TSC22D1: variants seen among roughly 807,000 people sequenced by gnomAD.
TSC22D1 encodes TSC22 domain family protein 1.
TSC22D1 carries 9 observed loss-of-function variants against 74.2 expected under a neutral mutation model. The observed-to-expected ratio is 0.12, with a 90% confidence interval of 0.07 to 0.21. The LOEUF (loss-of-function observed/expected upper bound fraction) is 0.21, where lower values mean the gene tolerates loss of function less well. TSC22D1 is among the 10% of genes least tolerant of loss of function. The pLI, the probability that TSC22D1 is intolerant of heterozygous loss-of-function variation, is 1.00. For missense variants in TSC22D1, 1,427 were observed against 1,304.7 expected (o/e 1.09, Z -1.44); for synonymous variants, 586 against 492.5 (o/e 1.19, Z -2.51).
intron 1 of TSC22D1, among the ~76,000 whole-genome samples, chr13:44,472,842 T>C (rs1194824123): frequency 6.6e-6 from 1 of 152,216 alleles, no homozygotes; most frequent in Non-Finnish European, 1.5e-5. Flanking sequence ...CAAATTCTTC[T>C]CAAAATAAGC....
intron 1 of TSC22D1, chr13:44,437,167 C>T (rs1190612961): frequency 4.1e-6 from 4 of 985,454 alleles, no homozygotes; most frequent in Non-Finnish European, 4.8e-6. Flanking sequence ...GGCCCCCACA[C>T]GTGCTTACGT....
At chr13:44,530,672 AAAAC>A (rs1880785698) in intron 1 of TSC22D1, among the ~76,000 whole-genome samples, 3 of 152,108 alleles carry the variant, frequency 2.0e-5, no homozygotes, top group Admixed American at 1.3e-4. Context: ...TCAAAAAAAA[AAAAC>A]AAACCTGATT....
chr13:44,575,721 A>G lies in TSC22D1; in HGVS notation c.354T>C (p.Pro118=), dbSNP rs776086016. 1 of 1,614,210 alleles carries G rather than the reference A, an allele frequency of 6.2e-7. No homozygotes were observed. The highest frequency in any genetic ancestry group is 2.2e-5 in the East Asian group (1 of 44,890). The change falls in exon 1 of 3, where the codon CCT becomes CCC. Residue 118 remains proline (P), a synonymous_variant. Transcript: ENST00000458659. ...KSGFQITSVT[P]AQISASISSN... The stretch of plus-strand genomic sequence containing the variant: ...AGCTGATACTAGCGGAGATCTGAGC[A>G]GGAGTAACGCTAGTTATCTGGAAGC...
intron 1 of TSC22D1, among the ~76,000 whole-genome samples, chr13:44,528,494 T>C (rs562794356): frequency 2.3e-3 from 354 of 151,830 alleles, no homozygotes; most frequent in African/African-American, 8.3e-3. Flanking sequence ...TCAAACTAAA[T>C]GAAAATAAAA....
chr13:44,553,810 GAATT>G (rs951391911), intron 1 of TSC22D1, among the ~76,000 whole-genome samples: 8 of 152,182 alleles, frequency 5.3e-5, no homozygotes, highest in Admixed American at 5.2e-4. Flanking sequence ...GTCAGCGAAA[GAATT>G]AATCCCTGAT....
upstream of TSC22D1, chr13:44,576,918 C>T (rs1163453167): frequency 4.6e-5 from 7 of 153,024 alleles, no homozygotes; most frequent in Admixed American, 2.6e-4. Context: ...TCCCTCAGGG[C>T]AGGCGCCTCG....
Position 44,495,275 on chromosome 13 carries a change from G to A in TSC22D1, c.2913-59180C>T, listed in dbSNP as rs1878913863. On this transcript the variant is annotated intron_variant, in intron 1 of 2. Transcript: ENST00000458659. The stretch of plus-strand genomic sequence containing the variant: ...TATGTAAGCCAGAAAGCAGCAGGGT[G>A]ACATATTTAAAATGCTAAGGAAAAA... Among the ~76,000 whole-genome samples, 14 of 142,600 alleles carry A rather than the reference G, an allele frequency of 9.8e-5. No individual in the cohort carries two copies. In the Admixed American group the frequency reaches 9.9e-4, roughly 10 times the overall value. 93.6% of individuals were successfully genotyped at this position (142,600 alleles called of 152,430 possible).
At chr13:44,555,367 G>A (rs1193247989) in intron 1 of TSC22D1, among the ~76,000 whole-genome samples, 1 of 151,964 alleles carries the variant, frequency 6.6e-6, no homozygotes, top group Non-Finnish European at 1.5e-5. Flanking sequence ...TCAGCACTTT[G>A]GGAGGCCAAG....
intron 1 of TSC22D1, among the ~76,000 whole-genome samples, chr13:44,480,742 G>A (rs1195228210): frequency 2.0e-5 from 3 of 152,130 alleles, no homozygotes; most frequent in Non-Finnish European, 4.4e-5. Flanking sequence ...AGGAGTCCAG[G>A]GACAGGGGTT....
At chr13:44,571,835 A>G (rs941951455) in intron 1 of TSC22D1, among the ~76,000 whole-genome samples, 2 of 152,188 alleles carry the variant, frequency 1.3e-5, no homozygotes, top group African/African-American at 4.8e-5. Context: ...TTAGAAAAAT[A>G]ATAAAAATCT....
intron 1 of TSC22D1, among the ~76,000 whole-genome samples, chr13:44,542,450 T>C (rs1881532795): frequency 6.6e-6 from 1 of 152,038 alleles, no homozygotes; most frequent in African/African-American, 2.4e-5. Context: ...CACAGTATAA[T>C]ATAGATAAAA....
chr13:44,437,472 G>A, intron 1 of TSC22D1: 1 of 158,108 alleles, frequency 6.3e-6, no homozygotes, highest in East Asian at 1.9e-4. Context: ...TTGTTTTATA[G>A]AAACAAAACA....
rs140520291 is a variant in TSC22D1 at position 44,470,260 on chromosome 13, T to A, written c.2913-34165A>T. Among the ~76,000 whole-genome samples, 57 of 152,260 alleles carry A rather than the reference T, an allele frequency of 3.7e-4. 1 individual carries two copies. In the East Asian group the frequency reaches 0.01, roughly 27 times the overall value. The stretch of plus-strand genomic sequence containing the variant: ...CAGAACAACTCCAGACCTGGAAGCC[T>A]GTGGAAAGGGAAACACAGTATCCAC... On this transcript the variant is annotated intron_variant, in intron 1 of 2. Coordinates refer to ENST00000458659, the MANE Select transcript of TSC22D1 (RefSeq NM_183422.4).
At chr13:44,552,967 G>A (rs966543472) in intron 1 of TSC22D1, among the ~76,000 whole-genome samples, 1 of 152,204 alleles carries the variant, frequency 6.6e-6, no homozygotes, top group African/African-American at 2.4e-5. Context: ...CAGCCTGGGC[G>A]ACATAGCGCG....
chr13:44,549,325 A>T (rs1882048384), intron 1 of TSC22D1, among the ~76,000 whole-genome samples: 1 of 152,202 alleles, frequency 6.6e-6, no homozygotes, highest in South Asian at 2.1e-4. Context: ...TAAAAGACAG[A>T]ACACATCTAC....
intron 1 of TSC22D1, among the ~76,000 whole-genome samples, chr13:44,548,313 T>TA (rs1489966185): frequency 2.0e-5 from 3 of 152,194 alleles, no homozygotes; most frequent in Admixed American, 2.0e-4. Context: ...GGTCAGGAGT[T>TA]AGAGACCAGC....
chr13:44,484,039 C>T (rs1878315681), intron 1 of TSC22D1, among the ~76,000 whole-genome samples: 1 of 152,132 alleles, frequency 6.6e-6, no homozygotes, highest in South Asian at 2.1e-4. Flanking sequence ...ACATAGGTAT[C>T]TTATACACGA....
intron 1 of TSC22D1, among the ~76,000 whole-genome samples, chr13:44,495,529 ACTT>A (rs1878933347): frequency 6.6e-6 from 1 of 152,206 alleles, no homozygotes; most frequent in African/African-American, 2.4e-5. Flanking sequence ...GTACTATTTT[ACTT>A]CTTAATTTGC....
chr13:44,577,147 G>A (rs1386977308), upstream of TSC22D1: 1 of 152,368 alleles, frequency 6.6e-6, no homozygotes, highest in Non-Finnish European at 1.5e-5. Flanking sequence ...CTGGTGCAGC[G>A]ACTGCAGCCG....
Sources: gnomAD v4.1 joint callset for allele counts (sites outside exome capture counted in the v4.1 genomes callset) on GRCh38, gnomAD v4.1.1 for gene constraint, MANE v1.5 for transcripts, NCBI Gene and HGNC (gene_info 2026-07-23, HGNC 2026-07-21) for gene names.